The following EPS8 variants were observed in gnomAD, a reference collection of about 807,000 sequenced individuals.
EPS8 encodes the protein epidermal growth factor receptor kinase substrate 8.
EPS8 carries 42 observed loss-of-function variants against 103.8 expected under a neutral mutation model. That is an observed-to-expected ratio of 0.40 (90% CI 0.32 to 0.52). EPS8 has a LOEUF of 0.52. Ranked by LOEUF, EPS8 falls within the 20% of genes least tolerant of loss-of-function variation. The probability of loss-of-function intolerance (pLI) is 0.40; values close to 1 mark genes in which losing one functional copy is unlikely to be tolerated. For synonymous variants in EPS8, 344 were observed against 344.6 expected, an observed-to-expected ratio of 1.00 and a Z score of 0.02; for missense variants, 969 against 1,005.1, an observed-to-expected ratio of 0.96 and a Z score of 0.49.
At position 15,752,374 on chromosome 12, in the gene EPS8, G is replaced by A. The variant is rs563203847; in HGVS notation, c.-22+36787C>T. 4.1e-4 allele frequency among the ~76,000 whole-genome samples: 62 copies of A among 152,070 alleles called. No homozygotes were observed. In the South Asian group the frequency reaches 7.5e-3, roughly 18 times the overall value. ...AGGCAGGAGAATGGCGTGAACCCGC[G>A]AGGCGGAGCTTGCAGTGAGCTGAGA... On this transcript the variant is annotated intron_variant, in intron 1 of 20. Transcript: ENST00000281172. The surrounding 1 kb of genome is among the most constrained non-coding windows in gnomAD (Gnocchi z 4.4).
chr12:15,674,650 G>T (rs958793986), intron 3 of EPS8, among the ~76,000 whole-genome samples: 9 of 152,096 alleles, frequency 5.9e-5, no homozygotes, highest in Non-Finnish European at 7.4e-5. Flanking sequence ...TATTAAAATG[G>T]CTGATTCCAT....
intron 18 of EPS8, among the ~76,000 whole-genome samples, chr12:15,628,071 CA>C (rs1011097289): frequency 2.1e-5 from 1 of 46,534 alleles, no homozygotes; most frequent in Non-Finnish European, 3.8e-5. Context: ...TTGAAGTAAT[CA>C]AAAAAGGGGA....
At position 15,769,235 on chromosome 12, in the gene EPS8, A is replaced by C. The variant is rs1158962512; in HGVS notation, c.-22+19926T>G. 3.3e-5 allele frequency among the ~76,000 whole-genome samples: 5 copies of C among 152,208 alleles called. No individual in the cohort carries two copies. Among genetic ancestry groups the C allele is most frequent in the Admixed American group, 2.6e-4 (4 of 15,274 alleles). On this transcript the variant is annotated intron_variant, in intron 1 of 20. Coordinates refer to ENST00000281172, the MANE Select transcript of EPS8 (RefSeq NM_004447.6). The surrounding 1 kb of genome is among the most constrained non-coding windows in gnomAD (Gnocchi z 4.6). ...CAAAATAAATTGACATATGCTTAAC[A>C]AAAAGCACACAAAAAATAAGAGATA...
intron 13 of EPS8, among the ~76,000 whole-genome samples, chr12:15,651,526 C>T (rs1176937566): frequency 1.3e-5 from 2 of 152,154 alleles, no homozygotes; most frequent in Admixed American, 6.5e-5. Context: ...TAAACTGAAA[C>T]AGATGGCCAG....
intron 6 of EPS8, among the ~76,000 whole-genome samples, chr12:15,668,238 GA>G (rs1382139540): frequency 1.4e-4 from 22 of 152,188 alleles, no homozygotes; most frequent in African/African-American, 5.3e-4. Flanking sequence ...AAGGTTTTTA[GA>G]AAGTCATCCA....
At position 15,646,449 on chromosome 12, in the gene EPS8, T is replaced by C. The variant is rs564983295; in HGVS notation, c.1568+678A>G. On this transcript the variant is annotated intron_variant, in intron 15 of 20. Coordinates refer to ENST00000281172, the MANE Select transcript of EPS8 (RefSeq NM_004447.6). The stretch of plus-strand genomic sequence containing the variant: ...GTGTTACCAAGATTTTACCTCCTTT[T>C]CTCTTTTCTACATGGCTTGGCTCTA... Among the ~76,000 whole-genome samples, 4 of 152,250 alleles carry C rather than the reference T, an allele frequency of 2.6e-5. No individual in the cohort carries two copies. In the South Asian group the frequency reaches 8.3e-4, roughly 32 times the overall value.
Position 15,725,391 on chromosome 12 carries a change from G to A in EPS8, c.-21-42419C>T, listed in dbSNP as rs899561045. Among the ~76,000 whole-genome samples, 4 of 150,644 alleles carry A rather than the reference G, an allele frequency of 2.7e-5. No homozygotes were observed. Among genetic ancestry groups the A allele is most frequent in the Admixed American group, 2.0e-4 (3 of 15,082 alleles). Reference sequence around the variant, plus strand: ...GGAGGCCGAGGCAGGAGGATCACTTGAGCAGAAGAATTGAACAGGAATTCA... The same window carrying A: ...GGAGGCCGAGGCAGGAGGATCACTTAAGCAGAAGAATTGAACAGGAATTCA... On this transcript the variant is annotated intron_variant, in intron 1 of 20. Transcript: ENST00000281172. This position sits in a 1 kb window ranked among gnomAD's most constrained non-coding sequence, Gnocchi z 4.5.
At chr12:15,758,933 G>A (rs1947014660) in intron 1 of EPS8, among the ~76,000 whole-genome samples, 1 of 152,108 alleles carries the variant, frequency 6.6e-6, no homozygotes, top group South Asian at 2.1e-4. Context: ...ACTGTAAAAT[G>A]CTAATAATCA....
rs1944984061 is a variant in EPS8, at chr12:15,628,285, GT to G, written c.2044+3156del. On this transcript the variant is annotated intron_variant, in intron 18 of 20. Coordinates refer to ENST00000281172, the MANE Select transcript of EPS8 (RefSeq NM_004447.6). ...ATGTATCACCACACTAAAAGATTTG[GT>G]TTCTCATCTGCTGACTTAGTCAGTA... Among the ~76,000 whole-genome samples, 3 of 152,144 alleles carry G rather than the reference GT, an allele frequency of 2.0e-5. No individual in the cohort carries two copies. In the South Asian group the frequency reaches 6.2e-4, roughly 32 times the overall value.
intron 1 of EPS8, among the ~76,000 whole-genome samples, chr12:15,720,392 A>G (rs185791285): frequency 5.5e-4 from 83 of 152,188 alleles, no homozygotes; most frequent in African/African-American, 1.9e-3. Flanking sequence ...GGCTACAGCA[A>G]TCCTTCTGCC....
chr12:15,690,705 CA>C lies in EPS8; in HGVS notation c.-21-7734del, dbSNP rs1207960042. Among the ~76,000 whole-genome samples, 1 of 152,150 alleles carries C rather than the reference CA, an allele frequency of 6.6e-6. No individual in the cohort carries two copies. Among genetic ancestry groups the C allele is most frequent in the Non-Finnish European group, 1.5e-5 (1 of 68,030 alleles). ...TACTTTTCTAGGTATCAGACTGTAT[CA>C]AGAGCAAAATGTATAACTTTATGTC... On this transcript the variant is annotated intron_variant, in intron 1 of 20. Transcript: ENST00000281172. The surrounding 1 kb of genome is among the most constrained non-coding windows in gnomAD (Gnocchi z 4.7).
rs193017713 is a variant in EPS8, at chr12:15,682,594, G to A, written c.59+299C>T. On this transcript the variant is annotated intron_variant, in intron 2 of 20. Transcript: ENST00000281172. ...CACCACAGAAATTCAAAGCTCTGAA[G>A]TAGATTATATATTCAACCATGAAAA... Among the ~76,000 whole-genome samples, 50 of 152,254 alleles carry A rather than the reference G, an allele frequency of 3.3e-4. 1 individual carries two copies. Among genetic ancestry groups the A allele is most frequent in the Admixed American group, 2.7e-3 (42 of 15,294 alleles).
Position 15,725,772 on chromosome 12 carries a change from T to G in EPS8, c.-21-42800A>C, listed in dbSNP as rs1009697815. On this transcript the variant is annotated intron_variant, in intron 1 of 20. Transcript: ENST00000281172. This position sits in a 1 kb window ranked among gnomAD's most constrained non-coding sequence, Gnocchi z 4.5. ...ATGAATTTTAAAAATTTACAAGCTC[T>G]GTCAACATACAAGTTTTATTATATA... is the stretch of plus-strand genomic sequence containing the variant. 1.3e-5 allele frequency among the ~76,000 whole-genome samples: 2 copies of G among 152,220 alleles called. No homozygotes were observed. The highest frequency in any genetic ancestry group is 4.8e-5 in the African/African-American group (2 of 41,458).
At chr12:15,648,599 C>T (rs1487553104) in intron 14 of EPS8, among the ~76,000 whole-genome samples, 1 of 152,114 alleles carries the variant, frequency 6.6e-6, no homozygotes, top group African/African-American at 2.4e-5. Flanking sequence ...AGAGTAGAGG[C>T]ACTACATTAG....
chr12:15,743,122 A>T (rs918114642), intron 1 of EPS8, among the ~76,000 whole-genome samples: 1 of 152,192 alleles, frequency 6.6e-6, no homozygotes, highest in African/African-American at 2.4e-5. Context: ...CCAATAACAG[A>T]CAAACAGAGA....
At position 15,702,074 on chromosome 12, in the gene EPS8, T is replaced by TA. The variant is rs1041582002; in HGVS notation, c.-21-19103dup. Among the ~76,000 whole-genome samples the TA allele has an allele frequency of 1.3e-5, 2 of 152,252 alleles. No homozygotes were observed. Among genetic ancestry groups the TA allele is most frequent in the African/African-American group, 4.8e-5 (2 of 41,468 alleles). On this transcript the variant is annotated intron_variant, in intron 1 of 20. Coordinates refer to ENST00000281172, the MANE Select transcript of EPS8 (RefSeq NM_004447.6). This position sits in a 1 kb window ranked among gnomAD's most constrained non-coding sequence, Gnocchi z 5.1. ...TTCTTAAGTAGTTTGTGAGTCAGGC[T>TA]AAGCACCATGAGATAAACCACATTT... is the stretch of plus-strand genomic sequence containing the variant.
At chr12:15,622,335 A>G (rs1944873285) in intron 20 of EPS8, among the ~76,000 whole-genome samples, 1 of 152,150 alleles carries the variant, frequency 6.6e-6, no homozygotes, top group African/African-American at 2.4e-5. Context: ...TCCAAGGGAA[A>G]TATGGTTTCT....
intron 1 of EPS8, among the ~76,000 whole-genome samples, chr12:15,694,133 A>G (rs2135922397): frequency 6.6e-6 from 1 of 152,310 alleles, no homozygotes; most frequent in East Asian, 1.9e-4. Context: ...TTGTCTAAAC[A>G]TTAAGAAATA....
chr12:15,662,900 C>A (rs1945630631), intron 8 of EPS8, among the ~76,000 whole-genome samples: 1 of 150,896 alleles, frequency 6.6e-6, no homozygotes, highest in African/African-American at 2.4e-5. Context: ...CATCGTGACT[C>A]ATGATGTTCA....
Sources: gnomAD v4.1 joint callset for allele counts (sites outside exome capture counted in the v4.1 genomes callset) on GRCh38, gnomAD v4.1.1 for gene constraint, Gnocchi (gnomAD v3.1) non-coding constraint, MANE v1.5 for transcripts, NCBI Gene and HGNC (gene_info 2026-07-23, HGNC 2026-07-21) for gene names.